CD8B2: variants seen among roughly 807,000 people sequenced by gnomAD.
The protein encoded by CD8B2 is CD8B family member 2, also known as T-cell surface glycoprotein CD8 beta-2 chain.
CD8B2 carries 11 observed loss-of-function variants against 23.7 expected under a neutral mutation model. The observed-to-expected ratio is 0.46, with a 90% CI of 0.29 to 0.77. The LOEUF is 0.77. CD8B2 is among the 30% of genes least tolerant of loss of function. The pLI, the probability that CD8B2 is intolerant of heterozygous loss-of-function variation, is 0.09. For synonymous variants in CD8B2, 90 were observed against 109.3 expected (o/e 0.82, Z 1.10); for missense variants, 197 against 270.5 (o/e 0.73, Z 1.91).
chr2:106,512,971 C>G (rs1679663138), downstream of CD8B2, among the ~76,000 whole-genome samples: 1 of 152,120 alleles, frequency 6.6e-6, no homozygotes, highest in African/African-American at 2.4e-5. Flanking sequence ...CTGTACAAAT[C>G]ACTCCTAAGC....
At chr2:106,544,048 G>A in exon 6 of CD8B2, 1 of 398,612 alleles carries the variant, frequency 2.5e-6, no homozygotes, top group Non-Finnish European at 4.4e-6. Flanking sequence ...CAAGGGACTG[G>A]GACTGCCTGA....
At chr2:106,520,849 G>C (rs371978990) in intron 5 of CD8B2, among the ~76,000 whole-genome samples, 1 of 152,088 alleles carries the variant, frequency 6.6e-6, no homozygotes, top group African/African-American at 2.4e-5. Context: ...CAGCCTGGGC[G>C]AGAGCGTGAG....
rs180785838 is a variant in CD8B2, at chr2:106,507,224, G to A, written c.*284G>A. On this transcript the variant is annotated 3_prime_UTR_variant, in exon 6 of 6. Coordinates refer to ENST00000643224, the MANE Select transcript of CD8B2 (RefSeq NM_001349727.2). The stretch of plus-strand genomic sequence containing the variant: ...AAATGCTGCCCATGCCACCGCTTCC[G>A]GCTCCTGTGCTTTCCCTGAGCTGGG... The A allele has an allele frequency of 1.1e-4, 138 of 1,237,028 alleles. No homozygotes were observed. In the East Asian group the frequency reaches 3.7e-3, roughly 33 times the overall value. The allele number at this position is 1,237,028 out of a possible 1,614,324, so 76.6% of individuals were successfully genotyped here.
At chr2:106,529,996 G>C (rs529900222) in intron 5 of CD8B2, among the ~76,000 whole-genome samples, 22 of 152,326 alleles carry the variant, frequency 1.4e-4, no homozygotes, top group Non-Finnish European at 2.4e-4. Flanking sequence ...TGAAGGATCA[G>C]GTCATCCCAC....
At chr2:106,513,189 C>T (rs1679671310), downstream of CD8B2, among the ~76,000 whole-genome samples, 1 of 151,300 alleles carries the variant, frequency 6.6e-6, no homozygotes, top group Non-Finnish European at 1.5e-5. Context: ...CTGCCAAGTA[C>T]AATGGACAAT....
chr2:106,516,300 C>A (rs188936893), intron 5 of CD8B2, among the ~76,000 whole-genome samples: 3 of 152,268 alleles, frequency 2.0e-5, no homozygotes, highest in African/African-American at 7.2e-5. Context: ...AATCCTGAAG[C>A]GAAGGAGCAC....
At chr2:106,513,530 G>C (rs745738673), downstream of CD8B2, among the ~76,000 whole-genome samples, 2 of 150,830 alleles carry the variant, frequency 1.3e-5, no homozygotes, top group Non-Finnish European at 3.0e-5. Context: ...GGTCTCTGCG[G>C]TTGGGTGAGG....
chr2:106,497,686 C>G (rs1327411352), intron 3 of CD8B2, among the ~76,000 whole-genome samples: 1 of 152,090 alleles, frequency 6.6e-6, no homozygotes, highest in Non-Finnish European at 1.5e-5. Flanking sequence ...GGGAAGCTGC[C>G]GTCACATGAG....
At chr2:106,543,069 C>T (rs1046213958) in intron 5 of CD8B2, 2 of 152,168 alleles carry the variant, frequency 1.3e-5, no homozygotes, top group African/African-American at 4.8e-5. Context: ...GTTATAGGCT[C>T]TGTTAACAGT....
chr2:106,503,047 G>A lies in CD8B2; in HGVS notation c.583+484G>A, dbSNP rs527954861. Among the ~76,000 whole-genome samples the A allele has an allele frequency of 2.9e-4, 44 of 149,314 alleles. 1 individual carries two copies. The South Asian group carries it at 9.8e-3, about 33-fold the overall frequency. Reference sequence around the variant, plus strand: ...ACGACACCGATATTGATGAGGCTGTGGGAAACAGAAATGACTGCTGCTCCC... The same window carrying A: ...ACGACACCGATATTGATGAGGCTGTAGGAAACAGAAATGACTGCTGCTCCC... On this transcript the variant is annotated intron_variant, in intron 4 of 5. Coordinates refer to ENST00000643224, the MANE Select transcript of CD8B2 (RefSeq NM_001349727.2).
chr2:106,512,871 G>A (rs1016206459), downstream of CD8B2, among the ~76,000 whole-genome samples: 7 of 152,154 alleles, frequency 4.6e-5, no homozygotes, highest in South Asian at 2.1e-4. Flanking sequence ...CCCAGGGCTC[G>A]CAGTCTTGCT....
At chr2:106,521,814 A>G (rs1235688860) in intron 5 of CD8B2, 1 of 152,218 alleles carries the variant, frequency 6.6e-6, no homozygotes, top group Non-Finnish European at 1.5e-5. Context: ...AGTTTTCCCT[A>G]TATTTTAATT....
At chr2:106,515,279 A>G (rs79958089), downstream of CD8B2, among the ~76,000 whole-genome samples, 2,119 of 152,322 alleles carry the variant, frequency 0.014, 23 homozygotes, top group Non-Finnish European at 0.022. Flanking sequence ...CACTGGACAG[A>G]TATTAGGTGT....
At chr2:106,542,631 T>G (rs1250946878) in intron 5 of CD8B2, among the ~76,000 whole-genome samples, 1 of 148,270 alleles carries the variant, frequency 6.7e-6, no homozygotes, top group Non-Finnish European at 1.5e-5. Flanking sequence ...ATGTAATGTA[T>G]AAAATAGGTT....
At chr2:106,494,383 G>A (rs1215215285) in intron 2 of CD8B2, among the ~76,000 whole-genome samples, 1 of 152,046 alleles carries the variant, frequency 6.6e-6, no homozygotes, top group African/African-American at 2.4e-5. Context: ...CCTGACCTCA[G>A]GTGATCCACC....
chr2:106,540,554 A>C (rs541474470), intron 5 of CD8B2, among the ~76,000 whole-genome samples: 218 of 152,022 alleles, frequency 1.4e-3, no homozygotes, highest in Non-Finnish European at 2.1e-3. Flanking sequence ...TCAAGCAAAT[A>C]ATCATCCAAA....
intron 3 of CD8B2, among the ~76,000 whole-genome samples, chr2:106,500,888 A>T (rs1046948987): frequency 6.6e-6 from 1 of 151,912 alleles, no homozygotes; most frequent in Non-Finnish European, 1.5e-5. Context: ...GAAAAATCAT[A>T]CAAGTTCCCA....
At chr2:106,503,694 G>A (rs1679455524) in intron 4 of CD8B2, among the ~76,000 whole-genome samples, 1 of 39,180 alleles carries the variant, frequency 2.6e-5, no homozygotes. Flanking sequence ...CCGTACTTGA[G>A]AGGCTGAGGA....
At chr2:106,527,145 C>A (rs928741759) in intron 5 of CD8B2, among the ~76,000 whole-genome samples, 5 of 152,152 alleles carry the variant, frequency 3.3e-5, no homozygotes, top group African/African-American at 1.2e-4. Flanking sequence ...TTTTGAGGAA[C>A]TGCTGGACTA....
Sources: allele counts gnomAD v4.1 joint callset (sites outside exome capture counted in the v4.1 genomes callset), GRCh38; gene constraint gnomAD v4.1.1; transcripts MANE v1.5; gene names NCBI Gene and HGNC (gene_info 2026-07-23, HGNC 2026-07-21).